Variants in PLAGL1 observed in about 807,000 individuals in gnomAD.
PLAGL1 encodes the protein PLAG1 like zinc finger 1, also known as zinc finger protein PLAGL1.
A neutral mutation model predicts 4.6 loss-of-function variants in PLAGL1; 1 was observed. That is an observed-to-expected ratio of 0.22 (90% CI 0.08 to 1.03). The LOEUF (loss-of-function observed/expected upper bound fraction) is 1.03. Among genes scored for constraint, PLAGL1 ranks in the 50% least tolerant of loss-of-function variants. The pLI, the probability that PLAGL1 is intolerant of heterozygous loss-of-function variation, is 0.58. For synonymous variants in PLAGL1, 240 were observed against 237.8 expected (o/e 1.01, Z -0.08); for missense variants, 464 against 570.4 (o/e 0.81, Z 1.90).
At chr6:144,020,847 A>AT (rs1795925683) in intron 1 of PLAGL1, among the ~76,000 whole-genome samples, 4 of 145,428 alleles carry the variant, frequency 2.8e-5, no homozygotes, top group Non-Finnish European at 4.5e-5. Flanking sequence ...AATATATATA[A>AT]AATATAATTA....
rs966807656 is a variant in PLAGL1 at position 143,948,203 on chromosome 6, C to G, written c.-67G>C. The G allele has an allele frequency of 2.7e-6, 4 of 1,461,892 alleles. No individual in the cohort carries two copies. Among genetic ancestry groups the G allele is most frequent in the African/African-American group, 1.4e-5 (1 of 72,226 alleles). The allele number at this position is 1,461,892 out of a possible 1,614,324, so 90.6% of individuals were successfully genotyped here. A position where few individuals can be genotyped will look rare whatever the true frequency, so the allele number is the denominator to read the frequency against. ...AAATGCTGTGCCATTTAAGCACAAA[C>G]AGAACGATGGTGCTGGGCACATCAG... On this transcript the variant is annotated 5_prime_UTR_variant, in exon 7 of 8. Transcript: ENST00000674357. This position sits in a 1 kb window ranked among gnomAD's most constrained non-coding sequence, Gnocchi z 6.0.
chr6:144,022,064 G>A lies in PLAGL1; in HGVS notation c.-151+42404C>T, dbSNP rs1198913329. Among the ~76,000 whole-genome samples, 1 of 152,208 alleles carries A rather than the reference G, an allele frequency of 6.6e-6. No individual in the cohort carries two copies. Among genetic ancestry groups the A allele is most frequent in the East Asian group, 1.9e-4 (1 of 5,202 alleles). On this transcript the variant is annotated intron_variant, in intron 1 of 3. Coordinates refer to the PLAGL1 transcript ENST00000437412. This position sits in a 1 kb window ranked among gnomAD's most constrained non-coding sequence, Gnocchi z 4.2. ...GTTGCAGGGCTTTGAACCAGAGGCT[G>A]AGAATCACCAAAAGAATTTTTTAAA...
chr6:144,024,351 A>C (rs6929225), intron 1 of PLAGL1, among the ~76,000 whole-genome samples: 126,269 of 152,148 alleles, frequency 0.83, 52,538 homozygotes, highest in Non-Finnish European at 0.86. Flanking sequence ...TGTCCCCACC[A>C]AAATCTCACC....
rs1444204957 is a variant in PLAGL1 at position 143,994,350 on chromosome 6, C to T, written c.-583-9176G>A. On this transcript the variant is annotated intron_variant, in intron 1 of 7. Transcript: ENST00000674357. The surrounding 1 kb of genome is among the most constrained non-coding windows in gnomAD (Gnocchi z 4.3). The stretch of plus-strand genomic sequence containing the variant: ...GCATGGGATGTCCACATGTTCTGCA[C>T]TGTGTCATCTGAGAATATGAACATC... 6.6e-6 allele frequency among the ~76,000 whole-genome samples: 1 copy of T among 152,192 alleles called. No homozygotes were observed. Among genetic ancestry groups the T allele is most frequent in the Non-Finnish European group, 1.5e-5 (1 of 68,026 alleles).
At position 144,005,292 on chromosome 6, in the gene PLAGL1, A is replaced by G. The variant is rs1430362611; in HGVS notation, c.-584+2798T>C. ...AAAAATATCACAATGAAAAAATCTT[A>G]AATTCTTAGAACTGAACAATATACT... is the stretch of plus-strand genomic sequence containing the variant. On this transcript the variant is annotated intron_variant, in intron 1 of 7. Coordinates refer to ENST00000674357, the MANE Select transcript of PLAGL1 (RefSeq NM_001317162.2). This position sits in a 1 kb window ranked among gnomAD's most constrained non-coding sequence, Gnocchi z 4.6. 1 of 152,200 alleles carries G rather than the reference A, an allele frequency of 6.6e-6. No individual in the cohort carries two copies. Among genetic ancestry groups the G allele is most frequent in the African/African-American group, 2.4e-5 (1 of 41,452 alleles). 9.4% of individuals were successfully genotyped at this position (152,200 alleles called of 1,614,324 possible).
rs1342264962 is a variant in PLAGL1, at chr6:144,000,129, AAGAAG to A, written c.-584+7956_-584+7960del. Among the ~76,000 whole-genome samples, 1 of 152,196 alleles carries A rather than the reference AAGAAG, an allele frequency of 6.6e-6. No homozygotes were observed. Among genetic ancestry groups the A allele is most frequent in the Non-Finnish European group, 1.5e-5 (1 of 68,012 alleles). Reference sequence around the variant, plus strand: ...TGATATAAAACTCTTAGAGAACTAGAAGAAGAGAACTTTAAATATCCCGCAACAAC... The same window carrying A: ...TGATATAAAACTCTTAGAGAACTAGAAGAACTTTAAATATCCCGCAACAAC... On this transcript the variant is annotated intron_variant, in intron 1 of 7. Coordinates refer to ENST00000674357, the MANE Select transcript of PLAGL1 (RefSeq NM_001317162.2). The surrounding 1 kb of genome is among the most constrained non-coding windows in gnomAD (Gnocchi z 4.1).
At chr6:144,031,128 G>A (rs573949331) in intron 1 of PLAGL1, among the ~76,000 whole-genome samples, 3 of 152,094 alleles carry the variant, frequency 2.0e-5, no homozygotes, top group Non-Finnish European at 4.4e-5. Flanking sequence ...CCATATGCTT[G>A]TTGGCCATTT....
In PLAGL1 at chr6:144,050,209, C is replaced by T. The variant is rs1043280634; in HGVS notation, c.-151+14259G>A. Among the ~76,000 whole-genome samples, 2 of 152,128 alleles carry T rather than the reference C, an allele frequency of 1.3e-5. No individual in the cohort carries two copies. The highest frequency in any genetic ancestry group is 1.3e-4 in the Admixed American group (2 of 15,268). ...CTAAGGGAACAAGAGATTCACATTG[C>T]CCAGAACGTACTCATTCCAGGACAA... On this transcript the variant is annotated intron_variant, in intron 1 of 3. Transcript: ENST00000437412. The surrounding 1 kb of genome is among the most constrained non-coding windows in gnomAD (Gnocchi z 4.3).
intron 1 of PLAGL1, among the ~76,000 whole-genome samples, chr6:144,025,494 G>A (rs894665346): frequency 6.6e-6 from 1 of 152,196 alleles, no homozygotes; most frequent in Non-Finnish European, 1.5e-5. Flanking sequence ...AGATGTTAAT[G>A]CTCGGGGAAA....
rs1796404072 is a variant in PLAGL1, at chr6:144,027,228, A to G, written c.-151+37240T>C. Among the ~76,000 whole-genome samples, 1 of 124,076 alleles carries G rather than the reference A, an allele frequency of 8.1e-6. No individual in the cohort carries two copies. Among genetic ancestry groups the G allele is most frequent in the South Asian group, 2.7e-4 (1 of 3,674 alleles). 81.4% of individuals were successfully genotyped at this position (124,076 alleles called of 152,430 possible). On this transcript the variant is annotated intron_variant, in intron 1 of 3. Coordinates refer to the PLAGL1 transcript ENST00000437412. This position sits in a 1 kb window ranked among gnomAD's most constrained non-coding sequence, Gnocchi z 5.8. ...GACAGAGAAAGACCCCAACTCAAAGAACGAACGAAAGAAAGAAAGAAAGAA... is the reference window on the plus strand; with the variant it reads ...GACAGAGAAAGACCCCAACTCAAAGGACGAACGAAAGAAAGAAAGAAAGAA...
Position 143,948,259 on chromosome 6 carries a change from G to A in PLAGL1, c.-123C>T, listed in dbSNP as rs549961074. 53 of 810,002 alleles carry A rather than the reference G, an allele frequency of 6.5e-5. 1 individual carries two copies. In the African/African-American group the frequency reaches 7.1e-4, roughly 11 times the overall value. 50.2% of individuals were successfully genotyped at this position (810,002 alleles called of 1,614,324 possible). ...TCCCTGCAGCTGAACTCCAGACCAC[G>A]GGAGAGGCAGCATCGTGGGCCTGGT... On this transcript the variant is annotated 5_prime_UTR_variant, in exon 7 of 8. Transcript: ENST00000674357. The surrounding 1 kb of genome is among the most constrained non-coding windows in gnomAD (Gnocchi z 6.0).
At chr6:144,043,824 G>A (rs1467546307) in intron 1 of PLAGL1, among the ~76,000 whole-genome samples, 1 of 152,106 alleles carries the variant, frequency 6.6e-6, no homozygotes, top group African/African-American at 2.4e-5. Flanking sequence ...TTTTTGGTTG[G>A]TAGGCTGTTA....
At chr6:144,057,611 C>T (rs970754061) in intron 1 of PLAGL1, among the ~76,000 whole-genome samples, 1 of 152,160 alleles carries the variant, frequency 6.6e-6, no homozygotes, top group Non-Finnish European at 1.5e-5. Flanking sequence ...ATGCTACATT[C>T]CCTTCAATCT....
Position 143,985,756 on chromosome 6 carries a change from C to G in PLAGL1, c.-583-582G>C, listed in dbSNP as rs1363289985. Among the ~76,000 whole-genome samples, 26 of 151,548 alleles carry G rather than the reference C, an allele frequency of 1.7e-4. No individual in the cohort carries two copies. The highest frequency in any genetic ancestry group is 1.7e-3 in the Admixed American group (26 of 15,200). ...TTCTCATTGTTAGCATGGCATAGAT[C>G]ACTCATTTCAAAAATCAAAACGCAA... On this transcript the variant is annotated intron_variant, in intron 1 of 7. Coordinates refer to ENST00000674357, the MANE Select transcript of PLAGL1 (RefSeq NM_001317162.2). The surrounding 1 kb of genome is among the most constrained non-coding windows in gnomAD (Gnocchi z 4.4).
At chr6:143,981,860 G>A (rs1788022141) in intron 2 of PLAGL1, among the ~76,000 whole-genome samples, 2 of 152,174 alleles carry the variant, frequency 1.3e-5, no homozygotes, top group South Asian at 4.1e-4. Context: ...GGTGTAATAA[G>A]CAAAGTCAAA....
rs1778407461 is a variant in PLAGL1, at chr6:143,940,731, T to TG, written c.*692_*693insC. On this transcript the variant is annotated 3_prime_UTR_variant, in exon 8 of 8. Coordinates refer to ENST00000674357, the MANE Select transcript of PLAGL1 (RefSeq NM_001317162.2). Reference sequence around the variant, plus strand: ...CCACTTAACCTGGTTACACAGTGATTTTTTTTTTTTTTCTGTCAGATGTAA... The same window carrying TG: ...CCACTTAACCTGGTTACACAGTGATTGTTTTTTTTTTTTCTGTCAGATGTAA... 6.7e-6 allele frequency: 1 copy of TG among 150,374 alleles called. No individual in the cohort carries two copies. The highest frequency in any genetic ancestry group is 6.7e-5 in the Admixed American group (1 of 15,024). 9.3% of individuals were successfully genotyped at this position (150,374 alleles called of 1,614,324 possible).
In PLAGL1 at chr6:143,995,415, A is replaced by C. The variant is rs1202371934; in HGVS notation, c.-583-10241T>G. ...TTTTGCTTTGCTTTGGAAAGGGGAT[A>C]AATGTTAAACTAATTTGAGGAATAA... On this transcript the variant is annotated intron_variant, in intron 1 of 7. Transcript: ENST00000674357. This position sits in a 1 kb window ranked among gnomAD's most constrained non-coding sequence, Gnocchi z 4.4. Among the ~76,000 whole-genome samples the C allele has an allele frequency of 6.6e-6, 1 of 152,182 alleles. No homozygotes were observed.
rs1798483764 is a variant in PLAGL1, at chr6:144,050,237, C to T, written c.-151+14231G>A. 6.6e-6 allele frequency among the ~76,000 whole-genome samples: 1 copy of T among 152,108 alleles called. No homozygotes were observed. Among genetic ancestry groups the T allele is most frequent in the African/African-American group, 2.4e-5 (1 of 41,412 alleles). ...AGAACGTACTCATTCCAGGACAATACACCCACTGTGTGACATGCTAGGGGC... is the reference window on the plus strand; with the variant it reads ...AGAACGTACTCATTCCAGGACAATATACCCACTGTGTGACATGCTAGGGGC... On this transcript the variant is annotated intron_variant, in intron 1 of 3. Transcript: ENST00000437412. This position sits in a 1 kb window ranked among gnomAD's most constrained non-coding sequence, Gnocchi z 4.3.
In PLAGL1 at chr6:144,050,149, T is replaced by C. The variant is rs1448997834; in HGVS notation, c.-151+14319A>G. ...CTTTGAGTTTAACTCAAAATATTTA[T>C]GTGTCTGGTGAGTTTTGAGGGAAAT... On this transcript the variant is annotated intron_variant, in intron 1 of 3. Coordinates refer to the PLAGL1 transcript ENST00000437412. The surrounding 1 kb of genome is among the most constrained non-coding windows in gnomAD (Gnocchi z 4.3). 3.9e-5 allele frequency among the ~76,000 whole-genome samples: 6 copies of C among 152,184 alleles called. No homozygotes were observed. Among genetic ancestry groups the C allele is most frequent in the Non-Finnish European group, 8.8e-5 (6 of 68,034 alleles).
Sources: allele counts gnomAD v4.1 joint callset (sites outside exome capture counted in the v4.1 genomes callset), GRCh38; gene constraint gnomAD v4.1.1; non-coding constraint Gnocchi (gnomAD v3.1); transcripts MANE v1.5; gene names NCBI Gene and HGNC (gene_info 2026-07-23, HGNC 2026-07-21).